The following RAPGEF2 variants were observed in gnomAD, a reference collection of about 807,000 sequenced individuals.
RAPGEF2 encodes PDZ domain containing guanine nucleotide exchange factor (GEF) 1.
In RAPGEF2, 54 loss-of-function variants were observed where a neutral mutation model predicts 186.7. The ratio of observed to expected loss-of-function variants is 0.29; its 90% CI spans 0.23 to 0.36. The LOEUF (loss-of-function observed/expected upper bound fraction) is 0.36. Ranked by LOEUF, RAPGEF2 falls within the 10% of genes least tolerant of loss-of-function variation. The pLI is 1.00. For synonymous variants in RAPGEF2, 712 were observed against 705.9 expected (o/e 1.01, Z -0.14); for missense variants, 1,532 against 2,045.0 (o/e 0.75, Z 4.84).
rs1324915203 is a variant in RAPGEF2 at position 159,103,974 on chromosome 4, C to A, written c.-189C>A. 6.5e-6 allele frequency: 1 copy of A among 154,150 alleles called. No individual in the cohort carries two copies. The highest frequency in any genetic ancestry group is 1.8e-4 in the South Asian group (1 of 5,672). 9.5% of individuals were successfully genotyped at this position (154,150 alleles called of 1,614,324 possible). ...TGCGTCCAGCCCCTCGCGCCTGTAC[C>A]GCGCTCTCGGCCGCCGGGCCCAGCC... is the stretch of plus-strand genomic sequence containing the variant. On this transcript the variant is annotated 5_prime_UTR_variant, in exon 1 of 30. Transcript: ENST00000691494.
chr4:159,335,672 A>T (rs933460346), intron 17 of RAPGEF2, among the ~76,000 whole-genome samples: 1 of 151,996 alleles, frequency 6.6e-6, no homozygotes, highest in Non-Finnish European at 1.5e-5. Context: ...CGTCTCTACT[A>T]AAAATACAAA....
intron 1 of RAPGEF2, among the ~76,000 whole-genome samples, chr4:159,148,853 GT>G (rs1304657012): frequency 1.3e-5 from 2 of 152,088 alleles, no homozygotes; most frequent in African/African-American, 4.8e-5. Context: ...TCTTTTTGTA[GT>G]CTATTTTCTT....
Position 159,259,821 on chromosome 4 carries a change from T to G in RAPGEF2, c.543+16030T>G, listed in dbSNP as rs184851394. 2.4e-3 allele frequency among the ~76,000 whole-genome samples: 372 copies of G among 152,004 alleles called. 2 individuals carry two copies. The highest frequency in any genetic ancestry group is 3.4e-3 in the Non-Finnish European group (233 of 67,964). ...TGAAAAATATAAGTAAATCAAAGAG[T>G]TTTAAAAATACTTCTATAAAACTAT... On this transcript the variant is annotated intron_variant, in intron 7 of 29. Transcript: ENST00000691494.
chr4:159,226,491 C>T (rs1351122023), intron 4 of RAPGEF2, among the ~76,000 whole-genome samples: 2 of 151,938 alleles, frequency 1.3e-5, no homozygotes, highest in African/African-American at 4.8e-5. Flanking sequence ...AATTTTAAAC[C>T]AGGTTATCAG....
At chr4:159,207,064 T>C (rs1266623577) in intron 3 of RAPGEF2, among the ~76,000 whole-genome samples, 1 of 152,258 alleles carries the variant, frequency 6.6e-6, no homozygotes, top group African/African-American at 2.4e-5. Context: ...TCACTGAATT[T>C]AATAAATGTT....
intron 28 of RAPGEF2, 73 bp downstream of exon 28, chr4:159,354,119 T>TTATGTGTTTG: frequency 7.2e-7 from 1 of 1,397,136 alleles, no homozygotes; most frequent in South Asian, 1.5e-5. Context: ...AATAGTAAAA[T>TTATGTGTTTG]TATGTGTTTG....
intron 7 of RAPGEF2, among the ~76,000 whole-genome samples, chr4:159,247,441 T>C (rs1447781907): frequency 6.6e-6 from 1 of 152,220 alleles, no homozygotes; most frequent in Non-Finnish European, 1.5e-5. Flanking sequence ...AAGAATCTTA[T>C]TTGTTCAAAG....
intron 3 of RAPGEF2, among the ~76,000 whole-genome samples, chr4:159,202,409 C>T (rs961790016): frequency 6.6e-6 from 1 of 152,126 alleles, no homozygotes; most frequent in Non-Finnish European, 1.5e-5. Context: ...CTTTCTGTTT[C>T]TGTTTATTGC....
Position 159,355,883 on chromosome 4 carries a change from C to T in RAPGEF2, c.4682C>T (p.Pro1561Leu). The change falls in exon 29 of 30, where the codon CCG (proline) becomes CTG (leucine). Residue 1561 changes from proline (P) to leucine (L), a missense_variant. Pro to Leu is a moderately conservative substitution (Grantham distance 98, BLOSUM62 -3). Transcript: ENST00000691494. ...AAGGAGGGCAGGTATCGAGAGCCCC[C>T]GCCCACCCCTCCCGGCTACATTGGA... ...ARKEGRYREP[P>L]PTPPGYIGIP... The T allele has an allele frequency of 1.9e-6, 3 of 1,546,206 alleles. No homozygotes were observed. Among genetic ancestry groups the T allele is most frequent in the East Asian group, 2.4e-5 (1 of 40,908 alleles).
At chr4:159,130,471 C>T (rs1393982589) in intron 1 of RAPGEF2, among the ~76,000 whole-genome samples, 1 of 152,140 alleles carries the variant, frequency 6.6e-6, no homozygotes, top group Non-Finnish European at 1.5e-5. Flanking sequence ...TCAAGTGATC[C>T]TCCCACCTCA....
At chr4:159,190,781 A>G (rs1202414671) in intron 2 of RAPGEF2, among the ~76,000 whole-genome samples, 9 of 152,196 alleles carry the variant, frequency 5.9e-5, no homozygotes, top group Non-Finnish European at 1.3e-4. Flanking sequence ...CCAGAACAGG[A>G]CTGGGGGAAC....
chr4:159,337,022 C>T lies in RAPGEF2; in HGVS notation c.2136-1289C>T, dbSNP rs183288864. Among the ~76,000 whole-genome samples the T allele has an allele frequency of 2.1e-3, 317 of 152,216 alleles. 1 individual carries two copies. The highest frequency in any genetic ancestry group is 0.017 in the Middle Eastern group (5 of 294). ...GAGTTTTTGTTTTGGAAACAGTTGA[C>T]CCTTCAAATCTAGAAATAGTTTTTA... On this transcript the variant is annotated intron_variant, in intron 17 of 29. Coordinates refer to ENST00000691494, the MANE Select transcript of RAPGEF2 (RefSeq NM_001394067.2).
At chr4:159,178,448 T>C (rs957351847) in intron 1 of RAPGEF2, among the ~76,000 whole-genome samples, 1 of 152,048 alleles carries the variant, frequency 6.6e-6, no homozygotes, top group African/African-American at 2.4e-5. Context: ...AAGTTTGCTA[T>C]GAAGCCCGTT....
chr4:159,186,908 C>T (rs1197053919), intron 2 of RAPGEF2, among the ~76,000 whole-genome samples, 196 bp downstream of exon 2: 1 of 152,064 alleles, frequency 6.6e-6, no homozygotes, highest in Non-Finnish European at 1.5e-5. Flanking sequence ...TCCATCACTT[C>T]AAACGTTTAT....
intron 1 of RAPGEF2, among the ~76,000 whole-genome samples, chr4:159,107,251 A>G (rs530452271): frequency 4.3e-4 from 65 of 152,318 alleles, no homozygotes; most frequent in African/African-American, 1.5e-3. Flanking sequence ...TAATTGCTTT[A>G]TTTAACCATT....
At chr4:159,146,143 A>G (rs1315438834) in intron 1 of RAPGEF2, among the ~76,000 whole-genome samples, 10 of 152,146 alleles carry the variant, frequency 6.6e-5, no homozygotes, top group Non-Finnish European at 1.0e-4. Flanking sequence ...CTGATAAACT[A>G]TGAGGTCATT....
chr4:159,334,390 A>C (rs2111222027), intron 17 of RAPGEF2, among the ~76,000 whole-genome samples: 1 of 152,252 alleles, frequency 6.6e-6, no homozygotes, highest in Non-Finnish European at 1.5e-5. Flanking sequence ...CTGGGATTAC[A>C]GGTGTGCACC....
In RAPGEF2 at chr4:159,173,056, CA is replaced by C. The variant is rs1579369823; in HGVS notation, c.70-13585del. Among the ~76,000 whole-genome samples the C allele has an allele frequency of 3.9e-5, 6 of 152,236 alleles. No individual in the cohort carries two copies. The East Asian group carries it at 1.2e-3, about 29-fold the overall frequency. On this transcript the variant is annotated intron_variant, in intron 1 of 29. Coordinates refer to ENST00000691494, the MANE Select transcript of RAPGEF2 (RefSeq NM_001394067.2). Reference sequence around the variant, plus strand: ...GACCAATAGTGGAAGGCTTTAATTACATATGTCGAATATTCTCATTTGCTTC... The same window carrying C: ...GACCAATAGTGGAAGGCTTTAATTACTATGTCGAATATTCTCATTTGCTTC...
Position 159,290,171 on chromosome 4 carries a change from C to T in RAPGEF2, c.544-14171C>T, listed in dbSNP as rs149303905. On this transcript the variant is annotated intron_variant, in intron 7 of 29. Transcript: ENST00000691494. Reference sequence around the variant, plus strand: ...CAGTGGCACCACAGTGAAGTGGGTTCATATTTGTAAATCCCCTCTCAGAGT... The same window carrying T: ...CAGTGGCACCACAGTGAAGTGGGTTTATATTTGTAAATCCCCTCTCAGAGT... Among the ~76,000 whole-genome samples, 764 of 152,274 alleles carry T rather than the reference C, an allele frequency of 5.0e-3. 3 individuals carry two copies. Among genetic ancestry groups the T allele is most frequent in the Non-Finnish European group, 7.6e-3 (514 of 68,028 alleles).
Sources: gnomAD v4.1 joint callset for allele counts (sites outside exome capture counted in the v4.1 genomes callset) on GRCh38, gnomAD v4.1.1 for gene constraint, MANE v1.5 for transcripts, NCBI Gene and HGNC (gene_info 2026-07-23, HGNC 2026-07-21) for gene names.